Variants in THTPA observed in about 807,000 individuals in gnomAD.
The protein encoded by THTPA is thiamine-triphosphatase.
THTPA carries 16 observed loss-of-function variants against 16.5 expected under a neutral mutation model. The observed-to-expected ratio is 0.97, with a 90% CI of 0.66 to 1.47. The LOEUF is 1.47. Among genes scored for constraint, THTPA ranks in the 40% most tolerant of loss-of-function variants. THTPA has a pLI of 0.00. For synonymous variants in THTPA, 110 were observed against 115.5 expected, an observed-to-expected ratio of 0.95 and a Z score of 0.30; for missense variants, 281 against 280.9, an observed-to-expected ratio of 1.00 and a Z score of 0.00.
At chr14:23,544,703 TCTCGTTACA>T in the THTPA span, among the ~76,000 whole-genome samples, 2 of 152,120 alleles carry the variant, frequency 1.3e-5, no homozygotes, top group African/African-American at 4.8e-5. Context: ...ATGAGTGTGA[TCTCGTTACA>T]CTCTCGCTGC....
chr14:23,526,616 A>G, the THTPA span: 16 of 1,535,830 alleles, frequency 1.0e-5, no homozygotes, highest in East Asian at 4.9e-5. Context: ...TGGGACCTCA[A>G]CTGAGGCCAG....
the THTPA span, chr14:23,524,786 A>G: frequency 6.5e-7 from 1 of 1,536,316 alleles, no homozygotes; most frequent in African/African-American, 1.4e-5. The surrounding 1 kb of genome is among the most constrained non-coding windows in gnomAD (Gnocchi z 5.6). Flanking sequence ...TTCCTCCTCT[A>G]CTTCTTCTTC....
the THTPA span, chr14:23,523,406 C>T: frequency 1.3e-5 from 20 of 1,522,672 alleles, no homozygotes; most frequent in South Asian, 9.8e-5. The surrounding 1 kb of genome is among the most constrained non-coding windows in gnomAD (Gnocchi z 4.1). Flanking sequence ...CAGCTGGGCT[C>T]GAACCGCCTC....
the THTPA span, among the ~76,000 whole-genome samples, chr14:23,512,602 C>T: frequency 7.3e-6 from 1 of 136,498 alleles, no homozygotes; most frequent in South Asian, 2.6e-4. Context: ...AGAACGGGGT[C>T]CCCTCCCTCT....
chr14:23,530,068 CG>C, the THTPA span: 15 of 1,462,332 alleles, frequency 1.0e-5, no homozygotes, highest in Non-Finnish European at 1.3e-5. Flanking sequence ...TGCAAGGTCC[CG>C]TGAGCGTCTC....
At chr14:23,532,537 T>C in the THTPA span, 2 of 1,429,560 alleles carry the variant, frequency 1.4e-6, no homozygotes. Context: ...CCTTCTCCTC[T>C]TCCGATGGCC....
In THTPA at chr14:23,556,870, CCTA is replaced by C. The variant is rs1289959875; in HGVS notation, c.117_119del (p.Tyr40del). 1.2e-6 allele frequency: 2 copies of C among 1,613,312 alleles called. No individual in the cohort carries two copies. The highest frequency in any genetic ancestry group is 4.5e-5 in the East Asian group (2 of 44,876). ...GAGTACCGGGTCACCTTCCGAGACACCTACTATGACACCCCTGAGCTGAGCCTC... is the reference window on the plus strand; with the variant it reads ...GAGTACCGGGTCACCTTCCGAGACACCTATGACACCCCTGAGCTGAGCCTC... On this transcript the variant is annotated inframe_deletion, in exon 1 of 2. Coordinates refer to ENST00000288014, the MANE Select transcript of THTPA (RefSeq NM_024328.6).
At chr14:23,528,648 C>T in the THTPA span, 3 of 985,428 alleles carry the variant, frequency 3.0e-6, no homozygotes, top group Non-Finnish European at 3.6e-6. Context: ...CAGAAGCCAG[C>T]TCATCCTCCC....
chr14:23,526,578 G>A, the THTPA span: 2 of 1,535,832 alleles, frequency 1.3e-6, no homozygotes, highest in Non-Finnish European at 1.7e-6. Flanking sequence ...GGAGAAGGGG[G>A]TTGGCCAGGG....
chr14:23,556,916 G>T lies in THTPA; in HGVS notation c.159G>T (p.Trp53Cys), dbSNP rs1882441443. ...TGAGCCTCATGCAGGCTGACCACTG[G>T]CTGCGACGACGAGAGGATAGTGGAT... is the stretch of plus-strand genomic sequence containing the variant. ...PELSLMQADH[W>C]LRRREDSGWE... is the part of the protein sequence containing the mutation. The change falls in exon 1 of 2, where the codon TGG (tryptophan) becomes TGT (cysteine). Residue 53 changes from tryptophan (W) to cysteine (C), a missense_variant. By Grantham distance (215) the Trp-to-Cys change is radical. Coordinates refer to ENST00000288014, the MANE Select transcript of THTPA (RefSeq NM_024328.6). 6.2e-7 allele frequency: 1 copy of T among 1,613,956 alleles called. No individual in the cohort carries two copies. Among genetic ancestry groups the T allele is most frequent in the African/African-American group, 1.3e-5 (1 of 74,926 alleles).
the THTPA span, chr14:23,524,801 ACCTCTTCCTCCTCTTCCCCTCTCTCTG>A: frequency 8.5e-6 from 13 of 1,535,794 alleles, no homozygotes; most frequent in South Asian, 8.3e-5. The surrounding 1 kb of genome is among the most constrained non-coding windows in gnomAD (Gnocchi z 5.6). Flanking sequence ...TTCTTCTTCC[ACCTCTTCCTCCTCTTCCCCTCTCTCTG>A]CCTCTTCCTC....
the THTPA span, chr14:23,522,457 A>C: frequency 2.0e-6 from 3 of 1,536,068 alleles, no homozygotes; most frequent in African/African-American, 4.1e-5. Context: ...CTGTGGGCTC[A>C]GGGGGCTGGG....
At chr14:23,522,319 G>A in the THTPA span, 2 of 1,527,796 alleles carry the variant, frequency 1.3e-6, no homozygotes, top group Admixed American at 2.0e-5. Context: ...TCTTGCACTG[G>A]CGGCACAGGT....
the THTPA span, chr14:23,534,329 G>A: frequency 1.3e-6 from 2 of 1,536,540 alleles, no homozygotes; most frequent in Non-Finnish European, 8.7e-7. This position sits in a 1 kb window ranked among gnomAD's most constrained non-coding sequence, Gnocchi z 4.5. Context: ...AGGAGGATAA[G>A]GGCCTGGACT....
chr14:23,557,428 G>A (rs1221102936), intron 1 of THTPA, 124 bp downstream of exon 1: 3 of 1,046,880 alleles, frequency 2.9e-6, no homozygotes, highest in Non-Finnish European at 4.0e-6. Flanking sequence ...TAGAGACAAG[G>A]TTTTGCCGTG....
the THTPA span, chr14:23,535,081 C>T: frequency 7.2e-6 from 11 of 1,536,128 alleles, no homozygotes; most frequent in African/African-American, 4.1e-5. This position sits in a 1 kb window ranked among gnomAD's most constrained non-coding sequence, Gnocchi z 4.5. Flanking sequence ...GAAGTGACCA[C>T]AGTCAGGCCC....
the THTPA span, chr14:23,522,652 GC>G: frequency 6.5e-7 from 1 of 1,536,304 alleles, no homozygotes; most frequent in Non-Finnish European, 8.7e-7. Flanking sequence ...GCAGGAACTG[GC>G]CCCCCAACAG....
the THTPA span, chr14:23,524,055 C>G: frequency 6.6e-7 from 1 of 1,515,766 alleles, no homozygotes; most frequent in African/African-American, 1.4e-5. The surrounding 1 kb of genome is among the most constrained non-coding windows in gnomAD (Gnocchi z 5.6). Flanking sequence ...AAAGCAGGTG[C>G]TTCCCTCTTT....
At chr14:23,534,214 C>T in the THTPA span, 22 of 1,500,672 alleles carry the variant, frequency 1.5e-5, no homozygotes, top group African/African-American at 2.5e-4. This position sits in a 1 kb window ranked among gnomAD's most constrained non-coding sequence, Gnocchi z 4.5. Flanking sequence ...CCAATCTGGC[C>T]CTGCCTCGCC....
Sources: gnomAD v4.1 joint callset for allele counts (sites outside exome capture counted in the v4.1 genomes callset) on GRCh38, gnomAD v4.1.1 for gene constraint, Gnocchi (gnomAD v3.1) non-coding constraint, MANE v1.5 for transcripts, NCBI Gene and HGNC (gene_info 2026-07-23, HGNC 2026-07-21) for gene names.